The following ZNF829 variants were observed in gnomAD, a reference collection of about 807,000 sequenced individuals.
ZNF829 encodes the protein zinc finger protein 829.
ZNF829 carries 25 observed loss-of-function variants against 35.2 expected under a neutral mutation model. That is an observed-to-expected ratio of 0.71 (90% CI 0.52 to 0.99). The LOEUF is 0.99. Among genes scored for constraint, ZNF829 ranks in the 50% least tolerant of loss-of-function variants. The pLI, the probability that ZNF829 is intolerant of heterozygous loss-of-function variation, is 0.00. For synonymous variants in ZNF829, 136 were observed against 163.2 expected (o/e 0.83, Z 1.27); for missense variants, 417 against 515.3 (o/e 0.81, Z 1.85).
At chr19:36,915,779 T>G (rs2073318533) in intron 1 of ZNF829, 1 of 1,339,616 alleles carries the variant, frequency 7.5e-7, no homozygotes, top group African/African-American at 1.5e-5. Context: ...GTATTTTTAG[T>G]AGAGATGGGG....
In ZNF829 at chr19:36,892,424, G is replaced by A. The variant is rs1354336301; in HGVS notation, c.367C>T (p.His123Tyr). 6.2e-7 allele frequency: 1 copy of A among 1,608,442 alleles called. No individual in the cohort carries two copies. Residue 123 changes from histidine to tyrosine, a missense_variant, in exon 6 of 6, where the codon CAT becomes TAT. Coordinates refer to ENST00000391711, the MANE Select transcript of ZNF829 (RefSeq NM_001037232.4). ...ETKILSLKKR[H>Y]FSQVIITRED... is the part of the protein sequence containing the mutation. ...CGGGTAATTATTACTTGACTGAAAT[G>A]TCTCTTCTTTAGAGATAATATTTTG... is the stretch of plus-strand genomic sequence containing the variant.
chr19:36,908,022 G>A lies in ZNF829; in HGVS notation c.226C>T (p.Leu76Phe). 1.9e-6 allele frequency: 3 copies of A among 1,613,160 alleles called. No homozygotes were observed. Among genetic ancestry groups the A allele is most frequent in the Non-Finnish European group, 2.5e-6 (3 of 1,179,680 alleles). ...ATCACAGCTGGCTTAGAATTGGAAAGTCCTGTTCACAAGAAAAGACATGGG... is the reference window on the plus strand; with the variant it reads ...ATCACAGCTGGCTTAGAATTGGAAAATCCTGTTCACAAGAAAAGACATGGG... ...ENFSNLVSVG[L>F]SNSKPAVISL... The change falls in exon 5 of 6, where the codon CTT (leucine) becomes TTT (phenylalanine). Residue 76 changes from leucine to phenylalanine, a missense_variant and splice_region_variant. By Grantham distance (22) the Leu-to-Phe change is conservative (BLOSUM62 0). Coordinates refer to ENST00000391711, the MANE Select transcript of ZNF829 (RefSeq NM_001037232.4).
rs1269683824 is a variant in ZNF829 at position 36,888,617 on chromosome 19, C to T, written c.*2875G>A. 1.3e-5 allele frequency: 2 copies of T among 152,154 alleles called. No homozygotes were observed. Among genetic ancestry groups the T allele is most frequent in the African/African-American group, 4.8e-5 (2 of 41,440 alleles). The allele number at this position is 152,154 out of a possible 1,614,324, so 9.4% of individuals were successfully genotyped here. On this transcript the variant is annotated 3_prime_UTR_variant, in exon 6 of 6. Transcript: ENST00000391711. Reference sequence around the variant, plus strand: ...TACAAGGGCAGTTGTGTTACATACACATATAGTGTAGTGGGGAAAGTGTTG... The same window carrying T: ...TACAAGGGCAGTTGTGTTACATACATATATAGTGTAGTGGGGAAAGTGTTG...
intron 5 of ZNF829, chr19:36,907,113 GTA>G (rs57790128): frequency 0.86 from 100,999 of 117,924 alleles, 43,228 homozygotes; most frequent in Middle Eastern, 0.91. Flanking sequence ...AAAAAAAAAT[GTA>G]TATATATATA....
In ZNF829 at chr19:36,891,992, G is replaced by GT; in HGVS notation, c.798dup (p.Pro267ThrfsTer3). 1 of 1,613,812 alleles carries GT rather than the reference G, an allele frequency of 6.2e-7. No homozygotes were observed. Among genetic ancestry groups the GT allele is most frequent in the Non-Finnish European group, 8.5e-7 (1 of 1,179,862 alleles). Reference sequence around the variant, plus strand: ...TTTCCACATACTTTACATTCATAGGGTTTCTCACCAGTGTGAATTCTCTGA... The same window carrying GT: ...TTTCCACATACTTTACATTCATAGGGTTTTCTCACCAGTGTGAATTCTCTGA... On this transcript the variant is annotated frameshift_variant, in exon 6 of 6. Coordinates refer to ENST00000391711, the MANE Select transcript of ZNF829 (RefSeq NM_001037232.4). LOFTEE classifies it high-confidence loss of function.
chr19:36,913,336 T>G (rs1467974261), intron 3 of ZNF829, among the ~76,000 whole-genome samples: 1 of 152,220 alleles, frequency 6.6e-6, no homozygotes, highest in Non-Finnish European at 1.5e-5. Context: ...TTGTCACTAT[T>G]CTGAGTCCTC....
intron 5 of ZNF829, among the ~76,000 whole-genome samples, chr19:36,904,733 CTG>C (rs2073201792): frequency 6.6e-6 from 1 of 151,968 alleles, no homozygotes; most frequent in Admixed American, 6.6e-5. Context: ...CTTTATAACA[CTG>C]TGATTTCAAA....
intron 5 of ZNF829, among the ~76,000 whole-genome samples, chr19:36,902,841 A>G (rs371600719): frequency 3.4e-4 from 52 of 151,956 alleles, no homozygotes; most frequent in East Asian, 9.7e-4. Flanking sequence ...TTAGAGACCA[A>G]CCTGGGCAAC....
intron 5 of ZNF829, among the ~76,000 whole-genome samples, chr19:36,900,723 A>G (rs1429172468): frequency 6.6e-6 from 1 of 151,556 alleles, no homozygotes; most frequent in African/African-American, 2.4e-5. Flanking sequence ...TGGCATGAGC[A>G]TGTAATCCCA....
Position 36,915,331 on chromosome 19 carries a change from G to A in ZNF829, c.-84-80C>T, listed in dbSNP as rs953423711. Reference sequence around the variant, plus strand: ...TACACAGAATGCCACATACATTTAGGGACAGTCACACTTAAGGCGACATGC... The same window carrying A: ...TACACAGAATGCCACATACATTTAGAGACAGTCACACTTAAGGCGACATGC... On this transcript the variant is annotated intron_variant, in intron 1 of 5. Transcript: ENST00000391711. 2.7e-6 allele frequency: 4 copies of A among 1,491,758 alleles called. No individual in the cohort carries two copies. In the African/African-American group the frequency reaches 4.2e-5, roughly 16 times the overall value. The allele number at this position is 1,491,758 out of a possible 1,614,324, so 92.4% of individuals were successfully genotyped here.
At chr19:36,905,957 A>G (rs2073212139) in intron 5 of ZNF829, 1 of 152,240 alleles carries the variant, frequency 6.6e-6, no homozygotes, top group Non-Finnish European at 1.5e-5. Flanking sequence ...GGGAAAAGAT[A>G]GATATAGTCC....
chr19:36,901,293 T>C (rs908308355), intron 5 of ZNF829, among the ~76,000 whole-genome samples: 2 of 152,202 alleles, frequency 1.3e-5, no homozygotes, highest in Non-Finnish European at 2.9e-5. Flanking sequence ...ATTCCATTTA[T>C]ATGAAATGTC....
intron 3 of ZNF829, among the ~76,000 whole-genome samples, chr19:36,910,967 G>A (rs112044121): frequency 0.16 from 24,749 of 151,988 alleles, 2,546 homozygotes; most frequent in African/African-American, 0.28. Flanking sequence ...AGATTGTGCC[G>A]TTGCACTCCA....
chr19:36,913,153 GA>G (rs1193611824), intron 3 of ZNF829: 1 of 152,196 alleles, frequency 6.6e-6, no homozygotes, highest in African/African-American at 2.4e-5. Flanking sequence ...TTTGGCACAG[GA>G]GAGGGAAGAC....
intron 3 of ZNF829, among the ~76,000 whole-genome samples, chr19:36,912,335 T>C (rs555785154): frequency 3.3e-5 from 5 of 152,280 alleles, no homozygotes; most frequent in South Asian, 2.1e-4. Flanking sequence ...CCAGTTCTTA[T>C]CCAGGGCAAC....
intron 5 of ZNF829, among the ~76,000 whole-genome samples, chr19:36,893,543 G>T (rs1048375026): frequency 1.3e-5 from 2 of 152,068 alleles, no homozygotes; most frequent in African/African-American, 4.8e-5. Context: ...ACTTATGATT[G>T]CTAAAAAGAT....
intron 5 of ZNF829, 141 bp downstream of exon 5, chr19:36,907,788 A>T: frequency 3.2e-6 from 2 of 624,318 alleles, no homozygotes; most frequent in Non-Finnish European, 2.8e-6. Flanking sequence ...ATATTGGACT[A>T]GGGAAAAAGT....
chr19:36,904,586 G>A (rs1249204645), intron 5 of ZNF829, among the ~76,000 whole-genome samples: 1 of 152,072 alleles, frequency 6.6e-6, no homozygotes, highest in East Asian at 1.9e-4. Context: ...TTTTAGTAGA[G>A]ACGGGGTTTT....
Position 36,891,775 on chromosome 19 carries a change from A to G in ZNF829, c.1016T>C (p.Leu339Pro), listed in dbSNP as rs2073055975. ...CGKAFNSASTLTNHHRIHAGE... is the reference protein window; with the variant it reads ...CGKAFNSASTPTNHHRIHAGE... Reference sequence around the variant, plus strand: ...AGCATGAATTCTGTGATGGTTAGTAAGTGTTGAGGCACTATTAAAGGCCTT... The same window carrying G: ...AGCATGAATTCTGTGATGGTTAGTAGGTGTTGAGGCACTATTAAAGGCCTT... Residue 339 changes from leucine (L) to proline (P), a missense_variant, in exon 6 of 6, where the codon CTT becomes CCT. Transcript: ENST00000391711. The G allele has an allele frequency of 6.2e-7, 1 of 1,614,062 alleles. No homozygotes were observed. The highest frequency in any genetic ancestry group is 1.3e-5 in the African/African-American group (1 of 74,934).
Sources: allele counts gnomAD v4.1 joint callset (sites outside exome capture counted in the v4.1 genomes callset), GRCh38; gene constraint gnomAD v4.1.1; transcripts MANE v1.5; gene names NCBI Gene and HGNC (gene_info 2026-07-23, HGNC 2026-07-21).